Variants in PPP6C observed in about 807,000 individuals in gnomAD.
PPP6C encodes the protein protein phosphatase 6 catalytic subunit, also known as serine/threonine-protein phosphatase 6 catalytic subunit.
In PPP6C, 11 loss-of-function variants were observed where a neutral mutation model predicts 39.8. The ratio of observed to expected loss-of-function variants is 0.28; its 90% confidence interval spans 0.17 to 0.46. The LOEUF (loss-of-function observed/expected upper bound fraction) is 0.46, where lower values mean the gene tolerates loss of function less well. Ranked by LOEUF, PPP6C falls within the 20% of genes least tolerant of loss-of-function variation. The pLI is 1.00. For synonymous variants in PPP6C, 129 were observed against 130.3 expected (o/e 0.99, Z 0.07); for missense variants, 211 against 373.9 (o/e 0.56, Z 3.59).
intron 1 of PPP6C, among the ~76,000 whole-genome samples, chr9:125,184,821 T>C (rs1246810754): frequency 1.3e-5 from 2 of 151,154 alleles, no homozygotes; most frequent in Admixed American, 6.6e-5. Context: ...AAAAAATATA[T>C]ATATACAAAA....
chr9:125,189,058 T>G (rs1286089233), intron 1 of PPP6C: 1 of 787,168 alleles, frequency 1.3e-6, no homozygotes, highest in Admixed American at 2.5e-5. Context: ...CACCTCTGAA[T>G]TAGCAAAACC....
At chr9:125,152,854 T>C (rs1201944050) in intron 6 of PPP6C, among the ~76,000 whole-genome samples, 1 of 151,828 alleles carries the variant, frequency 6.6e-6, no homozygotes, top group Non-Finnish European at 1.5e-5. Context: ...ATTCATGTTA[T>C]TGTCTCTTGT....
At chr9:125,171,553 T>A (rs1485069529) in intron 1 of PPP6C, among the ~76,000 whole-genome samples, 1 of 140,724 alleles carries the variant, frequency 7.1e-6, no homozygotes, top group Admixed American at 7.2e-5. Context: ...TTTTTGGGTT[T>A]TTTTGTTTTT....
chr9:125,162,157 G>A (rs1044413747), intron 2 of PPP6C, among the ~76,000 whole-genome samples: 1 of 151,614 alleles, frequency 6.6e-6, no homozygotes, highest in Non-Finnish European at 1.5e-5. Context: ...AACAGGCCAA[G>A]CTGCTCACAC....
chr9:125,187,877 A>T (rs1829564779), intron 1 of PPP6C, among the ~76,000 whole-genome samples: 2 of 152,008 alleles, frequency 1.3e-5, no homozygotes, highest in Admixed American at 6.6e-5. Context: ...GGCTGTCCTT[A>T]TTTGAAATTA....
At chr9:125,176,399 T>C (rs1444762594) in intron 1 of PPP6C, among the ~76,000 whole-genome samples, 1 of 152,164 alleles carries the variant, frequency 6.6e-6, no homozygotes, top group Non-Finnish European at 1.5e-5. Context: ...CTCACACCTA[T>C]CATCCCAGCA....
intron 1 of PPP6C, among the ~76,000 whole-genome samples, chr9:125,180,772 C>G (rs1829404408): frequency 6.6e-6 from 1 of 152,134 alleles, no homozygotes; most frequent in African/African-American, 2.4e-5. Context: ...AACTGGTTCT[C>G]CTAGTCCATA....
chr9:125,180,563 G>A (rs756386680), intron 1 of PPP6C, among the ~76,000 whole-genome samples: 16 of 151,962 alleles, frequency 1.1e-4, no homozygotes, highest in Non-Finnish European at 2.2e-4. Context: ...CTGGGATTAC[G>A]GCACACGCCA....
At chr9:125,160,328 T>A (rs1031623194) in intron 3 of PPP6C, among the ~76,000 whole-genome samples, 2 of 152,140 alleles carry the variant, frequency 1.3e-5, no homozygotes, top group Non-Finnish European at 2.9e-5. Context: ...CTAAGGCAAT[T>A]AATTAGAGGA....
At chr9:125,183,141 G>C (rs1355362858) in intron 1 of PPP6C, among the ~76,000 whole-genome samples, 1 of 152,060 alleles carries the variant, frequency 6.6e-6, no homozygotes, top group Non-Finnish European at 1.5e-5. Context: ...GACCAAATCT[G>C]TTAACAGGTG....
intron 1 of PPP6C, among the ~76,000 whole-genome samples, chr9:125,172,224 C>A (rs1016955189): frequency 4.6e-5 from 7 of 151,948 alleles, no homozygotes; most frequent in African/African-American, 1.7e-4. Context: ...TTCTTTTTTT[C>A]CCTTTTTTTT....
intron 1 of PPP6C, among the ~76,000 whole-genome samples, chr9:125,182,672 A>G (rs987765245): frequency 1.3e-5 from 2 of 151,034 alleles, no homozygotes; most frequent in Admixed American, 6.7e-5. Context: ...TTTCTCAACC[A>G]TGGCACTACT....
intron 1 of PPP6C, among the ~76,000 whole-genome samples, chr9:125,174,061 A>G (rs958260429): frequency 1.3e-5 from 2 of 152,232 alleles, no homozygotes; most frequent in African/African-American, 4.8e-5. Context: ...TCCCTGCTAT[A>G]TACAGGGAAC....
intron 1 of PPP6C, among the ~76,000 whole-genome samples, chr9:125,179,071 C>T (rs148809930): frequency 9.9e-5 from 15 of 152,080 alleles, no homozygotes; most frequent in African/African-American, 2.4e-4. Flanking sequence ...CAAAATTAGC[C>T]GGGTGTGGTG....
intron 1 of PPP6C, among the ~76,000 whole-genome samples, chr9:125,181,276 C>G (rs974180934): frequency 1.3e-5 from 2 of 151,886 alleles, no homozygotes; most frequent in Non-Finnish European, 2.9e-5. Context: ...TAAACTATAC[C>G]CCTTTCTCCT....
At chr9:125,154,009 T>C (rs1174454125) in intron 4 of PPP6C, 24 bp from the exon 5 acceptor site, 6 of 1,507,760 alleles carry the variant, frequency 4.0e-6, no homozygotes, top group Non-Finnish European at 5.5e-6. Context: ...AGAAGGGTTT[T>C]AATTAATGAA....
chr9:125,188,977 A>G, intron 1 of PPP6C: 1 of 1,514,460 alleles, frequency 6.6e-7, no homozygotes. Flanking sequence ...AGGAGAAAGT[A>G]TTTGTATTTA....
intron 1 of PPP6C, among the ~76,000 whole-genome samples, chr9:125,181,213 GAC>G (rs1222806375): frequency 6.6e-6 from 1 of 152,134 alleles, no homozygotes; most frequent in East Asian, 1.9e-4. Context: ...TCATAGTAAA[GAC>G]ACATGCTCCT....
chr9:125,167,759 G>A (rs1307410653), intron 2 of PPP6C, among the ~76,000 whole-genome samples: 2 of 140,952 alleles, frequency 1.4e-5, no homozygotes, highest in Non-Finnish European at 3.1e-5. Flanking sequence ...GGACGCAGTG[G>A]CTCACGCCTG....
Sources: gnomAD v4.1 joint callset for allele counts (sites outside exome capture counted in the v4.1 genomes callset) on GRCh38, gnomAD v4.1.1 for gene constraint, MANE v1.5 for transcripts, NCBI Gene and HGNC (gene_info 2026-07-23, HGNC 2026-07-21) for gene names.